Variants in FAT4 observed in about 807,000 individuals in gnomAD.
FAT4 encodes the protein protocadherin Fat 4.
In FAT4, 84 loss-of-function variants were observed where a neutral mutation model predicts 303.9. That is an observed-to-expected ratio of 0.28 (90% CI 0.23 to 0.33). FAT4 has a LOEUF of 0.33. Ranked by LOEUF, FAT4 falls within the 10% of genes least tolerant of loss-of-function variation. FAT4 has a pLI of 1.00. For missense variants in FAT4, 6,005 were observed against 6,146.8 expected, an observed-to-expected ratio of 0.98 and a Z score of 0.77; for synonymous variants, 2,307 against 2,298.8, an observed-to-expected ratio of 1.00 and a Z score of -0.10.
intron 2 of FAT4, among the ~76,000 whole-genome samples, chr4:125,385,286 G>T (rs6826288): frequency 6.6e-6 from 1 of 152,074 alleles, no homozygotes; most frequent in African/African-American, 2.4e-5. Flanking sequence ...GCCTCCCAAA[G>T]TGCTGGGATT....
intron 10 of FAT4, among the ~76,000 whole-genome samples, chr4:125,454,860 G>A (rs983889216): frequency 1.3e-5 from 2 of 152,098 alleles, no homozygotes; most frequent in Admixed American, 6.6e-5. Context: ...AACCCACGTG[G>A]TACACTGTGC....
intron 2 of FAT4, among the ~76,000 whole-genome samples, chr4:125,347,164 C>G (rs1416177785): frequency 6.6e-6 from 1 of 150,806 alleles, no homozygotes; most frequent in Non-Finnish European, 1.5e-5. Flanking sequence ...TTTTCCAAAC[C>G]ATAGATATAT....
chr4:125,414,281 C>T (rs1734956329), intron 5 of FAT4, among the ~76,000 whole-genome samples: 2 of 152,040 alleles, frequency 1.3e-5, no homozygotes, highest in Non-Finnish European at 2.9e-5. Flanking sequence ...TCAATAATAG[C>T]ATGAGCATTT....
Position 125,317,204 on chromosome 4 carries a change from G to A in FAT4, c.793G>A (p.Val265Met), listed in dbSNP as rs768218989. ...GGCGGGGGTGCCTGAGGACGCGGTT[G>A]TGGGTTCCAGCGTCCTCCAGGTGGC... Reference protein sequence around the residue: ...YQAGVPEDAVVGSSVLQVAAA... With the variant: ...YQAGVPEDAVMGSSVLQVAAA... Residue 265 changes from valine (V) to methionine (M), a missense_variant, in exon 2 of 18, where the codon GTG (valine) becomes ATG (methionine). Transcript: ENST00000394329. This position sits in a 1 kb window ranked among gnomAD's most constrained non-coding sequence, Gnocchi z 7.0. The A allele has an allele frequency of 1.3e-6, 2 of 1,592,102 alleles. No individual in the cohort carries two copies. The highest frequency in any genetic ancestry group is 2.2e-5 in the East Asian group (1 of 44,508).
At position 125,316,273 on chromosome 4, in the gene FAT4, G is replaced by A; in HGVS notation, c.-12-127G>A. 1 of 1,167,000 alleles carries A rather than the reference G, an allele frequency of 8.6e-7. No homozygotes were observed. The highest frequency in any genetic ancestry group is 2.9e-4 in the Middle Eastern group (1 of 3,494). The allele number at this position is 1,167,000 out of a possible 1,614,324, so 72.3% of individuals were successfully genotyped here. A position where few individuals can be genotyped will look rare whatever the true frequency, so the allele number is the denominator to read the frequency against. On this transcript the variant is annotated intron_variant, in intron 1 of 17. Transcript: ENST00000394329. This position sits in a 1 kb window ranked among gnomAD's most constrained non-coding sequence, Gnocchi z 5.7. Reference sequence around the variant, plus strand: ...GATGCTACTTGCTTTTGCCGGACTGGAGGTTCTTTGAAATAGCAGAGGTCT... The same window carrying A: ...GATGCTACTTGCTTTTGCCGGACTGAAGGTTCTTTGAAATAGCAGAGGTCT...
chr4:125,416,641 T>C lies in FAT4; in HGVS notation c.7018+19T>C. On this transcript the variant is annotated intron_variant, in intron 7 of 17. Coordinates refer to ENST00000394329, the MANE Select transcript of FAT4 (RefSeq NM_001291303.3). Reference sequence around the variant, plus strand: ...GATTCAGGTAAGTCCATTACACCCTTGTTCATTTGTAGATAATTTCTAGGC... The same window carrying C: ...GATTCAGGTAAGTCCATTACACCCTCGTTCATTTGTAGATAATTTCTAGGC... 6.2e-7 allele frequency: 1 copy of C among 1,610,638 alleles called. No homozygotes were observed. The highest frequency in any genetic ancestry group is 8.5e-7 in the Non-Finnish European group (1 of 1,177,938).
At chr4:125,422,485 T>G (rs1482951172) in intron 7 of FAT4, among the ~76,000 whole-genome samples, 1 of 152,098 alleles carries the variant, frequency 6.6e-6, no homozygotes, top group South Asian at 2.1e-4. Flanking sequence ...TCTTATGAGA[T>G]CTAATGGTTT....
rs531886785 is a variant in FAT4 at position 125,448,516 on chromosome 4, A to G, written c.7506A>G (p.Glu2502=). Residue 2502 remains glutamate (E), a synonymous_variant, in exon 10 of 18, where the codon GAA becomes GAG. Coordinates refer to ENST00000394329, the MANE Select transcript of FAT4 (RefSeq NM_001291303.3). ...ATGCTGATATTGGACCAAATTCTGA[A>G]CTGCATTATTCTCTTTCGGGTAGAA... The part of the protein sequence containing the change: ...VTDADIGPNS[E]LHYSLSGRNS... 15 of 1,613,470 alleles carry G rather than the reference A, an allele frequency of 9.3e-6. No homozygotes were observed. In the East Asian group the frequency reaches 2.2e-4, roughly 24 times the overall value.
chr4:125,472,263 C>T (rs1423450980), intron 12 of FAT4, among the ~76,000 whole-genome samples: 1 of 151,992 alleles, frequency 6.6e-6, no homozygotes, highest in Non-Finnish European at 1.5e-5. Flanking sequence ...GACTTCATGG[C>T]AATCTTTAAA....
intron 2 of FAT4, among the ~76,000 whole-genome samples, chr4:125,364,313 G>T (rs1165627541): frequency 2.0e-5 from 3 of 151,812 alleles, no homozygotes; most frequent in Non-Finnish European, 4.4e-5. Flanking sequence ...CATTTATGTT[G>T]ATCTCTTTTT....
intron 2 of FAT4, among the ~76,000 whole-genome samples, chr4:125,345,900 T>C (rs923795855): frequency 2.6e-5 from 4 of 152,062 alleles, no homozygotes; most frequent in Non-Finnish European, 4.4e-5. Flanking sequence ...GTTATCTGTA[T>C]GAGATCAATC....
intron 2 of FAT4, among the ~76,000 whole-genome samples, chr4:125,386,893 G>C (rs565745763): frequency 6.6e-6 from 1 of 152,304 alleles, no homozygotes; most frequent in South Asian, 2.1e-4. Context: ...CCAGTTTGGT[G>C]AAAGACATTT....
intron 2 of FAT4, among the ~76,000 whole-genome samples, chr4:125,379,448 A>G (rs994044765): frequency 6.6e-6 from 1 of 151,966 alleles, no homozygotes; most frequent in African/African-American, 2.4e-5. Context: ...TTAATAAAAG[A>G]CTTTTTATTT....
At position 125,387,792 on chromosome 4, in the gene FAT4, C is replaced by T. The variant is rs182727727; in HGVS notation, c.5176-10992C>T. 1.1e-4 allele frequency among the ~76,000 whole-genome samples: 17 copies of T among 152,282 alleles called. No homozygotes were observed. The East Asian group carries it at 2.9e-3, about 26-fold the overall frequency. ...GCTTTTTACTCTTCTTTGTGCTGCT[C>T]ATGTTAGACCAGTAATTATTTAGAA... On this transcript the variant is annotated intron_variant, in intron 2 of 17. Coordinates refer to ENST00000394329, the MANE Select transcript of FAT4 (RefSeq NM_001291303.3).
intron 7 of FAT4, among the ~76,000 whole-genome samples, chr4:125,428,589 C>A (rs1257376140): frequency 6.6e-6 from 1 of 152,018 alleles, no homozygotes; most frequent in East Asian, 1.9e-4. Flanking sequence ...TTTGGGTTTT[C>A]TTTTTTGGCT....
rs377500947 is a variant in FAT4, at chr4:125,450,850, G to T, written c.9840G>T (p.Arg3280Ser). 3 of 1,614,120 alleles carry T rather than the reference G, an allele frequency of 1.9e-6. No homozygotes were observed. The highest frequency in any genetic ancestry group is 1.7e-6 in the Non-Finnish European group (2 of 1,180,020). ...CCTTCAATGTCCCCGATGAGGAAAG[G>T]TGTAGCTTTGCCACTGTTAATATAC... ...VKAFNVPDEE[R>S]CSFATVNIQL... Residue 3280 changes from arginine to serine, a missense_variant, in exon 10 of 18, where the codon AGG (arginine) becomes AGT (serine). Coordinates refer to ENST00000394329, the MANE Select transcript of FAT4 (RefSeq NM_001291303.3).
In FAT4 at chr4:125,452,059, G is replaced by C. The variant is rs1314035845; in HGVS notation, c.11049G>C (p.Leu3683=). 1 of 1,614,126 alleles carries C rather than the reference G, an allele frequency of 6.2e-7. No individual in the cohort carries two copies. ...GGTCCACAGATGGCACGTTTGATCT[G>C]ACTGTCCTTAGCAATGATGGAGTTC... The part of the protein sequence containing the change: ...QPRSTDGTFD[L]TVLSNDGVHS... Residue 3683 remains leucine, a synonymous_variant, in exon 10 of 18, where the codon CTG becomes CTC. Coordinates refer to ENST00000394329, the MANE Select transcript of FAT4 (RefSeq NM_001291303.3).
chr4:125,356,035 A>G (rs1047281531), intron 2 of FAT4, among the ~76,000 whole-genome samples: 1 of 151,962 alleles, frequency 6.6e-6, no homozygotes, highest in Non-Finnish European at 1.5e-5. Context: ...AGTGGCCTAA[A>G]CAGACCCTGA....
At chr4:125,404,352 T>A (rs1195300264) in intron 3 of FAT4, among the ~76,000 whole-genome samples, 1 of 152,116 alleles carries the variant, frequency 6.6e-6, no homozygotes, top group Non-Finnish European at 1.5e-5. Context: ...ATTAAAACAA[T>A]ATTGGGGTTC....
Sources: allele counts gnomAD v4.1 joint callset (sites outside exome capture counted in the v4.1 genomes callset), GRCh38; gene constraint gnomAD v4.1.1; non-coding constraint Gnocchi (gnomAD v3.1); transcripts MANE v1.5; gene names NCBI Gene and HGNC (gene_info 2026-07-23, HGNC 2026-07-21).